TRPA1: variants seen among roughly 807,000 people sequenced by gnomAD.
The protein encoded by TRPA1 is transient receptor potential cation channel subfamily A member 1, also known as ankyrin-like with transmembrane domains 1.
TRPA1 carries 129 observed loss-of-function variants against 131.3 expected under a neutral mutation model. The observed-to-expected ratio is 0.98, with a 90% confidence interval of 0.85 to 1.14. The LOEUF is 1.14. Ranked by LOEUF, TRPA1 falls within the 50% of genes most tolerant of loss-of-function variation. The probability of loss-of-function intolerance (pLI) is 0.00; values close to 1 mark genes in which losing one functional copy is unlikely to be tolerated. For synonymous variants in TRPA1, 441 were observed against 451.7 expected, an observed-to-expected ratio of 0.98 and a Z score of 0.30; for missense variants, 1,304 against 1,354.2, an observed-to-expected ratio of 0.96 and a Z score of 0.58.
chr8:72,062,706 T>C (rs1805835589), intron 6 of TRPA1, 93 bp downstream of exon 6: 9 of 1,260,262 alleles, frequency 7.1e-6, no homozygotes, highest in Admixed American at 3.4e-5. Context: ...TGTATGTATT[T>C]CAATCTAAAT....
the TRPA1 span, among the ~76,000 whole-genome samples, chr8:72,086,427 A>G: frequency 6.6e-6 from 1 of 152,106 alleles, no homozygotes; most frequent in African/African-American, 2.4e-5. Flanking sequence ...GTACACACAT[A>G]ATTCTTCCAG....
chr8:72,071,360 C>T (rs1429225566), intron 2 of TRPA1, among the ~76,000 whole-genome samples: 1 of 152,172 alleles, frequency 6.6e-6, no homozygotes, highest in African/African-American at 2.4e-5. Context: ...GGTACACCTT[C>T]TTGAGGTGTC....
intron 21 of TRPA1, among the ~76,000 whole-genome samples, chr8:72,035,613 C>T (rs1289714608): frequency 6.6e-6 from 1 of 152,260 alleles, no homozygotes; most frequent in Non-Finnish European, 1.5e-5. Context: ...ACATTACCAA[C>T]TGTCAGAGGC....
rs556753689 is a variant in TRPA1 at position 72,075,439 on chromosome 8, G to A, written c.-30C>T. On this transcript the variant is annotated 5_prime_UTR_variant, in exon 1 of 27. Coordinates refer to ENST00000262209, the MANE Select transcript of TRPA1 (RefSeq NM_007332.3). ...CCCACCCCGGACGCCACCTGGTGCA[G>A]CTGCTCACCACGCGCGCGGGCACCT... is the stretch of plus-strand genomic sequence containing the variant. 40 of 1,560,070 alleles carry A rather than the reference G, an allele frequency of 2.6e-5. No homozygotes were observed. The highest frequency in any genetic ancestry group is 4.6e-4 in the Middle Eastern group (2 of 4,366).
chr8:72,063,177 C>A (rs745890931), intron 5 of TRPA1, among the ~76,000 whole-genome samples: 1 of 151,882 alleles, frequency 6.6e-6, no homozygotes, highest in African/African-American at 2.4e-5. Flanking sequence ...GTCAGGAGAT[C>A]GAGACCAGCC....
rs1347098792 is a variant in TRPA1 at position 72,021,375 on chromosome 8, A to G, written c.*1531T>C. 6.6e-6 allele frequency: 1 copy of G among 152,184 alleles called. No homozygotes were observed. Among genetic ancestry groups the G allele is most frequent in the African/African-American group, 2.4e-5 (1 of 41,440 alleles). The allele number at this position is 152,184 out of a possible 1,614,324, so 9.4% of individuals were successfully genotyped here. The stretch of plus-strand genomic sequence containing the variant: ...GTGCAATGCTACACAAGGTTTGAGG[A>G]GAGGGAAGACTGAAAAGACCCCTTG... On this transcript the variant is annotated 3_prime_UTR_variant, in exon 27 of 27. Coordinates refer to ENST00000262209, the MANE Select transcript of TRPA1 (RefSeq NM_007332.3).
chr8:72,068,181 C>T (rs1209117489), intron 3 of TRPA1, among the ~76,000 whole-genome samples: 1 of 152,164 alleles, frequency 6.6e-6, no homozygotes, highest in Non-Finnish European at 1.5e-5. Context: ...CTAAAGGGAG[C>T]CTGAAACTCA....
rs559202519 is a variant in TRPA1 at position 72,046,454 on chromosome 8, A to G, written c.2061+59T>C. On this transcript the variant is annotated intron_variant, in intron 17 of 26. Coordinates refer to ENST00000262209, the MANE Select transcript of TRPA1 (RefSeq NM_007332.3). ...ACATGTACCCTAAAACTTAAAGTAT[A>G]ATAAAAAAAAAAAAAGAAAAAAAAG... The G allele has an allele frequency of 2.6e-4, 273 of 1,061,968 alleles. 1 individual carries two copies. In the African/African-American group the frequency reaches 3.8e-3, roughly 15 times the overall value. The allele number at this position is 1,061,968 out of a possible 1,614,324, so 65.8% of individuals were successfully genotyped here.
In TRPA1 at chr8:72,053,734, T is replaced by G; in HGVS notation, c.1644+19A>C. The G allele has an allele frequency of 3.2e-6, 5 of 1,578,946 alleles. No homozygotes were observed. Among genetic ancestry groups the G allele is most frequent in the Non-Finnish European group, 4.3e-6 (5 of 1,150,340 alleles). ...GCTATATTGAGATTTTGGGTAAGCATGAGGACCGCAGTACATACCCCGTCT... is the reference window on the plus strand; with the variant it reads ...GCTATATTGAGATTTTGGGTAAGCAGGAGGACCGCAGTACATACCCCGTCT... On this transcript the variant is annotated intron_variant, in intron 13 of 26. Transcript: ENST00000262209.
chr8:72,062,153 C>T, intron 6 of TRPA1: 1 of 223,528 alleles, frequency 4.5e-6, no homozygotes, highest in South Asian at 7.7e-5. Context: ...ATTGAAGGGA[C>T]AATATAGAAA....
At chr8:72,027,008 C>A (rs975788713) in intron 24 of TRPA1, among the ~76,000 whole-genome samples, 11 of 152,078 alleles carry the variant, frequency 7.2e-5, no homozygotes, top group South Asian at 6.2e-4. Context: ...TGCATTAGTT[C>A]CAGCTTCAAG....
At chr8:72,051,514 C>T (rs1805507552) in intron 14 of TRPA1, among the ~76,000 whole-genome samples, 1 of 152,130 alleles carries the variant, frequency 6.6e-6, no homozygotes, top group Non-Finnish European at 1.5e-5. Context: ...TAAACTCTAT[C>T]AGTAAAACCC....
At chr8:72,068,963 A>G in intron 3 of TRPA1, 60 bp downstream of exon 3, 3 of 1,568,712 alleles carry the variant, frequency 1.9e-6, no homozygotes, top group Non-Finnish European at 2.6e-6. Context: ...AGAGAGCTGG[A>G]TCTGGGTCCC....
chr8:72,047,330 C>G (rs936431547), intron 15 of TRPA1, 123 bp from the exon 16 acceptor site: 3 of 749,050 alleles, frequency 4.0e-6, no homozygotes, highest in Non-Finnish European at 7.0e-6. Context: ...TCTTGCATCT[C>G]AAGAATAAAT....
intron 23 of TRPA1, among the ~76,000 whole-genome samples, chr8:72,031,273 AC>A (rs1379476410): frequency 6.6e-6 from 1 of 152,112 alleles, no homozygotes; most frequent in African/African-American, 2.4e-5. Context: ...ATTTACATTG[AC>A]CCCCATCAAA....
chr8:72,060,834 A>G (rs1259269020), intron 7 of TRPA1, among the ~76,000 whole-genome samples: 3 of 150,600 alleles, frequency 2.0e-5, no homozygotes, highest in Admixed American at 2.0e-4. Context: ...TATTAGAAAC[A>G]GATCTTATAT....
chr8:72,026,430 A>T (rs1270233305), intron 24 of TRPA1, among the ~76,000 whole-genome samples: 1 of 152,166 alleles, frequency 6.6e-6, no homozygotes, highest in Non-Finnish European at 1.5e-5. Context: ...GGTAGTTCAT[A>T]CTCTTGCGGT....
intron 2 of TRPA1, among the ~76,000 whole-genome samples, chr8:72,070,094 T>C (rs1306397920): frequency 6.6e-6 from 1 of 152,224 alleles, no homozygotes; most frequent in Non-Finnish European, 1.5e-5. Flanking sequence ...CAAAGTCCTA[T>C]AGCTATTCTA....
chr8:72,033,164 C>T (rs923130640), intron 23 of TRPA1, among the ~76,000 whole-genome samples: 2 of 152,200 alleles, frequency 1.3e-5, no homozygotes, highest in African/African-American at 2.4e-5. Context: ...ATGGTAAGTT[C>T]GAGCATAGAG....
Sources: gnomAD v4.1 joint callset for allele counts (sites outside exome capture counted in the v4.1 genomes callset) on GRCh38, gnomAD v4.1.1 for gene constraint, MANE v1.5 for transcripts, NCBI Gene and HGNC (gene_info 2026-07-23, HGNC 2026-07-21) for gene names.